SOBP: variants seen among roughly 807,000 people sequenced by gnomAD.
SOBP encodes the protein sine oculis-binding protein homolog.
SOBP carries 4 observed loss-of-function variants against 53.6 expected under a neutral mutation model. That is an observed-to-expected ratio of 0.07 (90% confidence interval 0.04 to 0.17). The LOEUF is 0.17. SOBP is among the 10% of genes least tolerant of loss of function. The pLI is 1.00. For missense variants in SOBP, 1,088 were observed against 1,204.7 expected, an observed-to-expected ratio of 0.90 and a Z score of 1.43; for synonymous variants, 584 against 522.6, an observed-to-expected ratio of 1.12 and a Z score of -1.60.
chr6:107,595,350 C>CTTTTTTTTTTTT (rs745477007), intron 5 of SOBP, among the ~76,000 whole-genome samples: 3 of 88,124 alleles, frequency 3.4e-5, no homozygotes, highest in East Asian at 4.7e-4. Flanking sequence ...GATTTTGATC[C>CTTTTTTTTTTTT]TTTTTTTTTT....
chr6:107,619,218 T>G (rs756042550), intron 5 of SOBP, among the ~76,000 whole-genome samples: 3 of 152,126 alleles, frequency 2.0e-5, no homozygotes, highest in Non-Finnish European at 4.4e-5. Flanking sequence ...AAAAGAAAGC[T>G]TTAATTAAAG....
chr6:107,619,562 A>G (rs1193246044), intron 5 of SOBP, among the ~76,000 whole-genome samples: 1 of 152,070 alleles, frequency 6.6e-6, no homozygotes, highest in Non-Finnish European at 1.5e-5. Flanking sequence ...ACTTTAGGAA[A>G]TAGAGAGTTG....
intron 2 of SOBP, 48 bp from the exon 3 acceptor site, chr6:107,506,193 CT>C: frequency 6.5e-7 from 1 of 1,530,794 alleles, no homozygotes; most frequent in South Asian, 1.1e-5. Context: ...TTTAAGTCTA[CT>C]GCATTACATT....
chr6:107,587,186 C>T lies in SOBP; in HGVS notation c.669+11C>T. ...AACTGCGAACTACTTGTAAGAATAACATACTTACAACAAGTCTAGAATGTT... is the reference window on the plus strand; with the variant it reads ...AACTGCGAACTACTTGTAAGAATAATATACTTACAACAAGTCTAGAATGTT... On this transcript the variant is annotated intron_variant, in intron 5 of 6. Transcript: ENST00000317357. 6 of 1,597,808 alleles carry T rather than the reference C, an allele frequency of 3.8e-6. No individual in the cohort carries two copies. Among genetic ancestry groups the T allele is most frequent in the Non-Finnish European group, 4.3e-6 (5 of 1,165,996 alleles).
At chr6:107,628,282 G>T (rs1011971556) in intron 5 of SOBP, among the ~76,000 whole-genome samples, 1 of 152,220 alleles carries the variant, frequency 6.6e-6, no homozygotes, top group African/African-American at 2.4e-5. Flanking sequence ...TTTCAGGATG[G>T]TGGGCAGCTG....
intron 4 of SOBP, among the ~76,000 whole-genome samples, chr6:107,540,376 C>T (rs1784116280): frequency 6.6e-6 from 1 of 152,208 alleles, no homozygotes; most frequent in Non-Finnish European, 1.5e-5. Context: ...TATATTATCA[C>T]AGATTAGAAT....
chr6:107,550,000 TG>T (rs1409904815), intron 4 of SOBP, among the ~76,000 whole-genome samples: 5 of 152,206 alleles, frequency 3.3e-5, no homozygotes, highest in African/African-American at 9.6e-5. Context: ...CTGGCACCCA[TG>T]GGGTCCCTCC....
intron 3 of SOBP, among the ~76,000 whole-genome samples, chr6:107,517,396 A>G (rs1163595694): frequency 6.6e-6 from 1 of 150,882 alleles, no homozygotes; most frequent in African/African-American, 2.4e-5. Flanking sequence ...CCTTTTTACT[A>G]TGTCCTCATG....
In SOBP at chr6:107,634,593, C is replaced by T. The variant is rs1304987236; in HGVS notation, c.1749C>T (p.Ser583=). The T allele has an allele frequency of 3.1e-6, 5 of 1,602,282 alleles. No individual in the cohort carries two copies. The highest frequency in any genetic ancestry group is 2.2e-5 in the East Asian group (1 of 44,736). Reference sequence around the variant, plus strand: ...GCAAGCCAAGCGGACACTCCCTGTCCCCCCGGGACTCCAAGCAGGGCTCGT... The same window carrying T: ...GCAAGCCAAGCGGACACTCCCTGTCTCCCCGGGACTCCAAGCAGGGCTCGT... ...AGGKPSGHSL[S]PRDSKQGSSK... The change falls in exon 6 of 7, where the codon TCC becomes TCT. Residue 583 remains serine, a synonymous_variant. Coordinates refer to ENST00000317357, the MANE Select transcript of SOBP (RefSeq NM_018013.4). The surrounding 1 kb of genome is among the most constrained non-coding windows in gnomAD (Gnocchi z 4.5).
intron 2 of SOBP, among the ~76,000 whole-genome samples, chr6:107,505,381 G>A (rs1437707443): frequency 2.0e-5 from 3 of 151,296 alleles, no homozygotes; most frequent in Non-Finnish European, 2.9e-5. Flanking sequence ...GGAGTGCAGT[G>A]GCGCGATCTC....
At position 107,660,091 on chromosome 6, in the gene SOBP, T is replaced by G. The variant is rs1338058892; in HGVS notation, c.*1888T>G. On this transcript the variant is annotated 3_prime_UTR_variant, in exon 7 of 7. Transcript: ENST00000317357. ...GTCACAACATTCTCCTCTCCCTGAC[T>G]GGTGTCAGATTCATCAAACAAAAAA... 1.3e-5 allele frequency: 2 copies of G among 152,614 alleles called. No individual in the cohort carries two copies. The highest frequency in any genetic ancestry group is 2.9e-5 in the Non-Finnish European group (2 of 68,038). The allele number at this position is 152,614 out of a possible 1,614,324, so 9.5% of individuals were successfully genotyped here.
chr6:107,633,437 A>G, intron 5 of SOBP, 77 bp from the exon 6 acceptor site: 1 of 1,575,074 alleles, frequency 6.3e-7, no homozygotes, highest in South Asian at 1.1e-5. Flanking sequence ...AAGAACCTTT[A>G]TGTGAAACAC....
intron 4 of SOBP, among the ~76,000 whole-genome samples, chr6:107,568,413 T>A (rs1448622218): frequency 6.6e-6 from 1 of 152,356 alleles, no homozygotes; most frequent in East Asian, 1.9e-4. Context: ...AAAGCATGCC[T>A]CAGGCAACTC....
At chr6:107,605,073 TC>T (rs1404925201) in intron 5 of SOBP, among the ~76,000 whole-genome samples, 2 of 152,168 alleles carry the variant, frequency 1.3e-5, no homozygotes, top group Admixed American at 1.3e-4. Flanking sequence ...CTCTGCATGT[TC>T]ATCCCCCATG....
intron 6 of SOBP, among the ~76,000 whole-genome samples, chr6:107,641,677 C>T (rs1227405172): frequency 6.6e-6 from 1 of 152,206 alleles, no homozygotes; most frequent in Non-Finnish European, 1.5e-5. Flanking sequence ...GAAATCAGTT[C>T]CCTGACTGGT....
intron 3 of SOBP, among the ~76,000 whole-genome samples, chr6:107,507,477 T>G (rs1194547361): frequency 6.6e-6 from 1 of 152,050 alleles, no homozygotes; most frequent in Non-Finnish European, 1.5e-5. Context: ...GGCTAATTTT[T>G]GTATTTTTAG....
rs1770934303 is a variant in SOBP, at chr6:107,634,832, G to A, written c.1988G>A (p.Arg663Gln). 1.4e-6 allele frequency: 2 copies of A among 1,408,658 alleles called. No homozygotes were observed. The highest frequency in any genetic ancestry group is 3.3e-5 in the East Asian group (1 of 30,360). 87.3% of individuals were successfully genotyped at this position (1,408,658 alleles called of 1,614,324 possible). Residue 663 changes from arginine to glutamine, a missense_variant, in exon 6 of 7, where the codon CGG becomes CAG. This residue lies in a region of SOBP where 665 missense variants were observed against 629.7 expected (regional missense o/e 1.06). Coordinates refer to ENST00000317357, the MANE Select transcript of SOBP (RefSeq NM_018013.4). This position sits in a 1 kb window ranked among gnomAD's most constrained non-coding sequence, Gnocchi z 4.5. ...GACCTGACCGTGGGCCACCGAGCCC[G>A]GCTGCACAACGTGATCCACCGCGCG... ...VIDLTVGHRA[R>Q]LHNVIHRALH...
At chr6:107,639,429 C>T (rs1049972988) in intron 6 of SOBP, among the ~76,000 whole-genome samples, 1 of 152,140 alleles carries the variant, frequency 6.6e-6, no homozygotes, top group Non-Finnish European at 1.5e-5. Flanking sequence ...CAGTGGACAA[C>T]TATTTTCCCC....
chr6:107,544,140 A>G (rs1408245123), intron 4 of SOBP, among the ~76,000 whole-genome samples: 1 of 152,170 alleles, frequency 6.6e-6, no homozygotes, highest in Non-Finnish European at 1.5e-5. Context: ...TTACCCATCA[A>G]GAGTTAACTC....
Sources: gnomAD v4.1 joint callset for allele counts (sites outside exome capture counted in the v4.1 genomes callset) on GRCh38, gnomAD v4.1.1 for gene constraint, gnomAD v4.1.1 regional missense constraint, Gnocchi (gnomAD v3.1) non-coding constraint, MANE v1.5 for transcripts, NCBI Gene and HGNC (gene_info 2026-07-23, HGNC 2026-07-21) for gene names.